The following ZFP1 variants were observed in gnomAD, a reference collection of about 807,000 sequenced individuals.
ZFP1 encodes the protein zinc finger protein 1 homolog.
In ZFP1, 32 loss-of-function variants were observed where a neutral mutation model predicts 38.5. The observed-to-expected ratio is 0.83, with a 90% CI of 0.63 to 1.12. The LOEUF (loss-of-function observed/expected upper bound fraction) is 1.12, where lower values mean the gene tolerates loss of function less well. ZFP1 is among the 50% of genes most tolerant of loss of function. The pLI, the probability that ZFP1 is intolerant of heterozygous loss-of-function variation, is 0.00. For missense variants in ZFP1, 616 were observed against 480.8 expected (o/e 1.28, Z -2.63); for synonymous variants, 245 against 168.8 (o/e 1.45, Z -3.50).
the ZFP1 span, among the ~76,000 whole-genome samples, chr16:75,125,054 T>C: frequency 6.6e-6 from 1 of 151,290 alleles, no homozygotes; most frequent in East Asian, 2.0e-4. Context: ...AGGTCAGGAG[T>C]TTGAGACCAG....
chr16:75,142,394 T>A, the ZFP1 span, among the ~76,000 whole-genome samples: 3 of 151,742 alleles, frequency 2.0e-5, no homozygotes, highest in Non-Finnish European at 1.5e-5. Context: ...AAAATAAATT[T>A]TCTGTGAGGC....
chr16:75,128,731 C>T, the ZFP1 span, among the ~76,000 whole-genome samples: 1 of 152,188 alleles, frequency 6.6e-6, no homozygotes, highest in African/African-American at 2.4e-5. Flanking sequence ...ACAACTTAAA[C>T]TTCAGAAGAA....
At chr16:75,135,577 G>A in the ZFP1 span, among the ~76,000 whole-genome samples, 2 of 152,122 alleles carry the variant, frequency 1.3e-5, no homozygotes, top group South Asian at 4.2e-4. Flanking sequence ...AGCTGTCCTC[G>A]AGTCTGGGCA....
the ZFP1 span, among the ~76,000 whole-genome samples, chr16:75,133,574 T>C: frequency 6.6e-6 from 1 of 152,228 alleles, no homozygotes. Context: ...TCCATCCATG[T>C]TCCCACAAAA....
At chr16:75,156,285 C>A (rs2037465850) in intron 2 of ZFP1, among the ~76,000 whole-genome samples, 1 of 152,070 alleles carries the variant, frequency 6.6e-6, no homozygotes. Context: ...GAAACCCTGT[C>A]TTTACTAAAA....
At chr16:75,119,356 A>G in the ZFP1 span, among the ~76,000 whole-genome samples, 1 of 152,128 alleles carries the variant, frequency 6.6e-6, no homozygotes, top group African/African-American at 2.4e-5. Context: ...CTTATCTTTC[A>G]AAATCTGGTC....
chr16:75,166,538 T>TCA, intron 2 of ZFP1: 1 of 985,106 alleles, frequency 1.0e-6, no homozygotes, highest in African/African-American at 1.7e-5. Context: ...CAATAGTGTT[T>TCA]TATTAATCTG....
chr16:75,138,856 A>G, the ZFP1 span, among the ~76,000 whole-genome samples: 3 of 152,198 alleles, frequency 2.0e-5, no homozygotes, highest in Admixed American at 6.5e-5. Context: ...GAAAAAATAA[A>G]TGCATGGTGT....
the ZFP1 span, among the ~76,000 whole-genome samples, chr16:75,141,322 C>T: frequency 6.6e-6 from 1 of 151,294 alleles, no homozygotes; most frequent in East Asian, 2.0e-4. Flanking sequence ...CCTGCCTCAG[C>T]CTCCCGAGTA....
chr16:75,163,184 G>A (rs374506065), intron 2 of ZFP1, among the ~76,000 whole-genome samples: 2 of 152,058 alleles, frequency 1.3e-5, no homozygotes, highest in African/African-American at 4.8e-5. Flanking sequence ...TGGGATTACA[G>A]GCATGAGCCA....
chr16:75,152,029 C>G (rs1243185934), intron 1 of ZFP1, among the ~76,000 whole-genome samples: 2 of 152,134 alleles, frequency 1.3e-5, no homozygotes, highest in Non-Finnish European at 2.9e-5. Context: ...CAGGATGTCA[C>G]TACTTTGTTT....
At chr16:75,140,604 C>T in the ZFP1 span, among the ~76,000 whole-genome samples, 2 of 152,162 alleles carry the variant, frequency 1.3e-5, no homozygotes, top group African/African-American at 2.4e-5. Flanking sequence ...CGCCTGCCAC[C>T]AGCAGCTGAC....
At chr16:75,135,481 T>C in the ZFP1 span, among the ~76,000 whole-genome samples, 2 of 152,180 alleles carry the variant, frequency 1.3e-5, no homozygotes, top group Non-Finnish European at 2.9e-5. Context: ...GATTAGTGAT[T>C]AGCTGGTAAC....
rs1159301978 is a variant in ZFP1 at position 75,158,334 on chromosome 16, AT to A, written c.15+5383del. Among the ~76,000 whole-genome samples, 466 of 143,964 alleles carry A rather than the reference AT, an allele frequency of 3.2e-3. 2 individuals carry two copies. Among genetic ancestry groups the A allele is most frequent in the South Asian group, 6.4e-3 (29 of 4,502 alleles). The allele number at this position is 143,964 out of a possible 152,430, so 94.4% of individuals were successfully genotyped here. ...TCCTTGATCCAGCCTATTTCTGTCTATTTTTTTTTTTTTTTAATTTTTTTTA... is the reference window on the plus strand; with the variant it reads ...TCCTTGATCCAGCCTATTTCTGTCTATTTTTTTTTTTTTTAATTTTTTTTA... On this transcript the variant is annotated intron_variant, in intron 2 of 3. Coordinates refer to ENST00000570010, the MANE Select transcript of ZFP1 (RefSeq NM_153688.4).
the ZFP1 span, among the ~76,000 whole-genome samples, chr16:75,138,681 C>T: frequency 1.3e-5 from 2 of 152,156 alleles, no homozygotes; most frequent in Non-Finnish European, 2.9e-5. Flanking sequence ...AAATGGACCC[C>T]GGAGGGGAGA....
chr16:75,156,757 G>A (rs1245720945), intron 2 of ZFP1, among the ~76,000 whole-genome samples: 1 of 152,198 alleles, frequency 6.6e-6, no homozygotes, highest in African/African-American at 2.4e-5. Flanking sequence ...CCACCACTCA[G>A]GAGTAGATTA....
In ZFP1 at chr16:75,169,865, A is replaced by G; in HGVS notation, c.755A>G (p.Gln252Arg). ...GAATGTGGAAAAGCTTTCACCCACC[A>G]GTCAAACCTCATTGTACACCAGAGA... is the stretch of plus-strand genomic sequence containing the variant. ...CPECGKAFTHQSNLIVHQRAH... is the reference protein window; with the variant it reads ...CPECGKAFTHRSNLIVHQRAH... Residue 252 changes from glutamine (Q) to arginine (R), a missense_variant, in exon 4 of 4, where the codon CAG (glutamine) becomes CGG (arginine). Physicochemically the swap from Gln to Arg is conservative, Grantham distance 43. Coordinates refer to ENST00000570010, the MANE Select transcript of ZFP1 (RefSeq NM_153688.4). 1 of 1,614,230 alleles carries G rather than the reference A, an allele frequency of 6.2e-7. No homozygotes were observed. The highest frequency in any genetic ancestry group is 8.5e-7 in the Non-Finnish European group (1 of 1,180,030).
chr16:75,131,411 T>C, the ZFP1 span, among the ~76,000 whole-genome samples: 1 of 152,278 alleles, frequency 6.6e-6, no homozygotes, highest in Admixed American at 6.5e-5. Flanking sequence ...CCTGGAGTGA[T>C]GCGGCTGCTG....
chr16:75,140,935 G>T, the ZFP1 span, among the ~76,000 whole-genome samples: 2 of 151,948 alleles, frequency 1.3e-5, no homozygotes, highest in Non-Finnish European at 2.9e-5. Flanking sequence ...CTCTAGCCTG[G>T]GCGACAGAGC....
Sources: allele counts gnomAD v4.1 joint callset (sites outside exome capture counted in the v4.1 genomes callset), GRCh38; gene constraint gnomAD v4.1.1; transcripts MANE v1.5; gene names NCBI Gene and HGNC (gene_info 2026-07-23, HGNC 2026-07-21).